The following DISP1 variants were observed in gnomAD, a reference collection of about 807,000 sequenced individuals.
The protein encoded by DISP1 is dispatched RND transporter family member 1.
DISP1 carries 30 observed loss-of-function variants against 37.3 expected under a neutral mutation model. That is an observed-to-expected ratio of 0.80 (90% CI 0.60 to 1.09). The LOEUF (loss-of-function observed/expected upper bound fraction) is 1.09. Ranked by LOEUF, DISP1 falls within the 50% of genes least tolerant of loss-of-function variation. The probability of loss-of-function intolerance (pLI) is 0.00; values close to 1 mark genes in which losing one functional copy is unlikely to be tolerated. For synonymous variants in DISP1, 634 were observed against 690.2 expected, an observed-to-expected ratio of 0.92 and a Z score of 1.28; for missense variants, 1,598 against 1,879.5, an observed-to-expected ratio of 0.85 and a Z score of 2.77.
chr1:222,977,342 C>CTT (rs397982983), intron 3 of DISP1, among the ~76,000 whole-genome samples: 46,404 of 113,774 alleles, frequency 0.41, 10,146 homozygotes, highest in South Asian at 0.59. Flanking sequence ...TCAGCATATT[C>CTT]TTTTTTTTTT....
At chr1:222,843,696 C>T (rs954066153) in intron 1 of DISP1, among the ~76,000 whole-genome samples, 4 of 151,854 alleles carry the variant, frequency 2.6e-5, no homozygotes, top group Non-Finnish European at 4.4e-5. Flanking sequence ...CTGTAAAAGT[C>T]CAGATTGAAG....
intron 2 of DISP1, among the ~76,000 whole-genome samples, chr1:222,937,885 T>A (rs554135350): frequency 6.6e-6 from 1 of 151,860 alleles, no homozygotes; most frequent in South Asian, 2.1e-4. Flanking sequence ...TTGTTTTGTT[T>A]TGTTTTGAGA....
chr1:222,859,338 G>A (rs548959852), intron 1 of DISP1, among the ~76,000 whole-genome samples: 48 of 152,314 alleles, frequency 3.2e-4, no homozygotes, highest in Middle Eastern at 6.8e-3. Context: ...TCGGGAGGTG[G>A]AGTCGGGGGA....
At chr1:222,943,481 C>A in intron 3 of DISP1, 149 bp downstream of exon 3, 1 of 1,017,288 alleles carries the variant, frequency 9.8e-7, no homozygotes, top group Non-Finnish European at 1.5e-6. Flanking sequence ...GTGAAGCCAA[C>A]AAAAACGCAA....
At chr1:222,866,407 C>G (rs1669196859) in intron 1 of DISP1, among the ~76,000 whole-genome samples, 1 of 151,948 alleles carries the variant, frequency 6.6e-6, no homozygotes, top group South Asian at 2.1e-4. Context: ...TGCAGTGGTA[C>G]AATCTCGGCT....
At chr1:222,892,351 G>T (rs150043607) in intron 1 of DISP1, among the ~76,000 whole-genome samples, 77 of 152,314 alleles carry the variant, frequency 5.1e-4, no homozygotes, top group African/African-American at 1.8e-3. Flanking sequence ...GTGTACTAGT[G>T]TGTATTCCTA....
intron 1 of DISP1, among the ~76,000 whole-genome samples, chr1:222,860,732 A>G (rs1206849973): frequency 1.3e-5 from 2 of 151,986 alleles, no homozygotes; most frequent in Non-Finnish European, 2.9e-5. Context: ...TAAAAATACA[A>G]AAATTAGCTG....
chr1:222,885,073 C>T (rs1670511216), intron 1 of DISP1, among the ~76,000 whole-genome samples: 1 of 152,128 alleles, frequency 6.6e-6, no homozygotes, highest in African/African-American at 2.4e-5. Context: ...CGTGATCCGC[C>T]CGCCTCGGCC....
At position 223,003,862 on chromosome 1, in the gene DISP1, C is replaced by A; in HGVS notation, c.2465C>A (p.Ala822Asp). 1 of 1,614,176 alleles carries A rather than the reference C, an allele frequency of 6.2e-7. No individual in the cohort carries two copies. The highest frequency in any genetic ancestry group is 8.5e-7 in the Non-Finnish European group (1 of 1,180,036). ...AGCAGTTTTAACATCGCCAGCCCAG[C>A]TTCCCAGGCCTGGATTTTGCACTTC... ...LDSSFNIASP[A>D]SQAWILHFCQ... is the part of the protein sequence containing the mutation. Residue 822 changes from alanine to aspartate, a missense_variant, in exon 9 of 9, where the codon GCT (alanine) becomes GAT (aspartate). Transcript: ENST00000675850. The surrounding 1 kb of genome is among the most constrained non-coding windows in gnomAD (Gnocchi z 4.3).
At chr1:222,835,072 C>T (rs557769843) in intron 1 of DISP1, 1 of 152,178 alleles carries the variant, frequency 6.6e-6, no homozygotes, top group East Asian at 1.9e-4. Flanking sequence ...TTGTGGGTTT[C>T]AGCGTTTGTT....
At chr1:222,836,198 G>A (rs1459104110) in intron 1 of DISP1, among the ~76,000 whole-genome samples, 1 of 152,170 alleles carries the variant, frequency 6.6e-6, no homozygotes, top group Non-Finnish European at 1.5e-5. Context: ...TTACTCTCAT[G>A]ATGTTTGTAA....
chr1:222,957,179 A>C (rs2102571095), intron 3 of DISP1, among the ~76,000 whole-genome samples: 1 of 144,476 alleles, frequency 6.9e-6, no homozygotes, highest in South Asian at 2.3e-4. Flanking sequence ...GCATTCTTAG[A>C]TTCCGCTTTT....
Position 222,862,620 on chromosome 1 carries a change from C to T in DISP1, c.-159+47542C>T, listed in dbSNP as rs187647850. 4.0e-3 allele frequency among the ~76,000 whole-genome samples: 602 copies of T among 151,442 alleles called. 3 individuals carry two copies. Among genetic ancestry groups the T allele is most frequent in the African/African-American group, 0.013 (551 of 41,286 alleles). ...CTATCGTGACTCACTGCAGCCTTCA[C>T]CTTCCAGGCTCAAGTGATCCTCCCA... On this transcript the variant is annotated intron_variant, in intron 1 of 8. Coordinates refer to ENST00000675850, the MANE Select transcript of DISP1 (RefSeq NM_001377229.1).
chr1:222,880,898 A>G (rs1670234565), intron 1 of DISP1, among the ~76,000 whole-genome samples: 2 of 151,878 alleles, frequency 1.3e-5, no homozygotes, highest in Non-Finnish European at 2.9e-5. Context: ...TTGTCTCTAT[A>G]AAAAATATAA....
At chr1:222,857,429 A>G (rs918620299) in intron 1 of DISP1, among the ~76,000 whole-genome samples, 2 of 152,212 alleles carry the variant, frequency 1.3e-5, no homozygotes, top group Non-Finnish European at 2.9e-5. Context: ...AGTTCTGGCC[A>G]GGACAATCAA....
In DISP1 at chr1:223,003,320, A is replaced by T; in HGVS notation, c.1923A>T (p.Ile641=). ...RCFGVYAGTA[I]LVNYVLMVTW... Reference sequence around the variant, plus strand: ...TTGGGGTTTATGCGGGGACAGCTATATTGGTGAATTACGTTTTGATGGTCA... The same window carrying T: ...TTGGGGTTTATGCGGGGACAGCTATTTTGGTGAATTACGTTTTGATGGTCA... The change falls in exon 9 of 9, where the codon ATA becomes ATT. Residue 641 remains isoleucine, a synonymous_variant. Transcript: ENST00000675850. This position sits in a 1 kb window ranked among gnomAD's most constrained non-coding sequence, Gnocchi z 4.3. 1 of 1,614,118 alleles carries T rather than the reference A, an allele frequency of 6.2e-7. No homozygotes were observed. The highest frequency in any genetic ancestry group is 8.5e-7 in the Non-Finnish European group (1 of 1,180,032).
intron 3 of DISP1, among the ~76,000 whole-genome samples, chr1:222,978,474 T>C (rs1315991972): frequency 6.6e-6 from 1 of 152,256 alleles, no homozygotes; most frequent in East Asian, 1.9e-4. Context: ...GTAGGTTGCC[T>C]GTTCACTCTG....
At position 222,992,088 on chromosome 1, in the gene DISP1, C is replaced by T. The variant is rs150706813; in HGVS notation, c.867C>T (p.Asp289=). The change falls in exon 7 of 9, where the codon GAC becomes GAT. Residue 289 remains aspartate (D), a synonymous_variant. Coordinates refer to ENST00000675850, the MANE Select transcript of DISP1 (RefSeq NM_001377229.1). ...AAGTTGACTGGAACTTCCACAAGGA[C>T]AGCTTTTTCTGCGACGTTCCAAGTG... The part of the protein sequence containing the change: ...KREVDWNFHK[D]SFFCDVPSDR... 2.2e-5 allele frequency: 36 copies of T among 1,613,696 alleles called. No individual in the cohort carries two copies. The highest frequency in any genetic ancestry group is 3.0e-5 in the Non-Finnish European group (35 of 1,179,782).
At chr1:222,848,384 T>G (rs2125304091) in intron 1 of DISP1, among the ~76,000 whole-genome samples, 1 of 151,680 alleles carries the variant, frequency 6.6e-6, no homozygotes, top group Middle Eastern at 3.4e-3. Context: ...AGGAATAAAC[T>G]TTACAAACAA....
Sources: allele counts gnomAD v4.1 joint callset (sites outside exome capture counted in the v4.1 genomes callset), GRCh38; gene constraint gnomAD v4.1.1; non-coding constraint Gnocchi (gnomAD v3.1); transcripts MANE v1.5; gene names NCBI Gene and HGNC (gene_info 2026-07-23, HGNC 2026-07-21).